Variants in ELL2 observed in about 807,000 individuals in gnomAD.
ELL2 encodes the protein RNA polymerase II elongation factor ELL2.
ELL2 carries 21 observed loss-of-function variants against 72.8 expected under a neutral mutation model. The ratio of observed to expected loss-of-function variants is 0.29; its 90% CI spans 0.20 to 0.42. The LOEUF is 0.42. ELL2 is among the 10% of genes least tolerant of loss of function. The pLI is 1.00. For missense variants in ELL2, 568 were observed against 772.8 expected, an observed-to-expected ratio of 0.73 and a Z score of 3.14; for synonymous variants, 266 against 283.2, an observed-to-expected ratio of 0.94 and a Z score of 0.61.
intron 9 of ELL2, among the ~76,000 whole-genome samples, chr5:95,894,221 CAA>C (rs975144977): frequency 7.2e-5 from 11 of 152,160 alleles, no homozygotes; most frequent in Non-Finnish European, 1.3e-4. Flanking sequence ...GCCTGGGCAA[CAA>C]GAGCGAAATT....
chr5:95,894,383 A>T (rs1460055100), intron 9 of ELL2, among the ~76,000 whole-genome samples: 1 of 152,280 alleles, frequency 6.6e-6, no homozygotes, highest in East Asian at 1.9e-4. Context: ...ATTATAAAAA[A>T]GAATTCAAAA....
intron 1 of ELL2, among the ~76,000 whole-genome samples, chr5:95,956,998 C>A (rs1751650339): frequency 6.6e-6 from 1 of 152,222 alleles, no homozygotes; most frequent in Non-Finnish European, 1.5e-5. Context: ...TTAAAGGCAT[C>A]TGCTTTCTGA....
intron 1 of ELL2, among the ~76,000 whole-genome samples, chr5:95,958,789 C>G (rs559475142): frequency 2.0e-5 from 3 of 152,138 alleles, no homozygotes; most frequent in Non-Finnish European, 4.4e-5. Context: ...CCCTTTGCTG[C>G]CTCTGTAGAG....
intron 2 of ELL2, among the ~76,000 whole-genome samples, chr5:95,940,341 A>C (rs1455832759): frequency 6.6e-6 from 1 of 152,234 alleles, no homozygotes; most frequent in Non-Finnish European, 1.5e-5. Flanking sequence ...TTTATTTAGA[A>C]GAAAACTTCA....
At chr5:95,906,890 T>C (rs998808196) in intron 4 of ELL2, 108 bp from the exon 5 acceptor site, 1 of 1,161,258 alleles carries the variant, frequency 8.6e-7, no homozygotes. Flanking sequence ...GAGGAAATAA[T>C]AATAAAGGCC....
intron 2 of ELL2, among the ~76,000 whole-genome samples, chr5:95,938,557 TACA>T (rs1294064614): frequency 1.3e-5 from 2 of 152,018 alleles, no homozygotes; most frequent in Non-Finnish European, 2.9e-5. Context: ...GACCCATCTC[TACA>T]ACAACAACAA....
chr5:95,937,434 A>C, intron 2 of ELL2, among the ~76,000 whole-genome samples: 1 of 151,910 alleles, frequency 6.6e-6, no homozygotes, highest in Non-Finnish European at 1.5e-5. Flanking sequence ...GGGGCAGCCC[A>C]TCTCCTGGGT....
At position 95,906,598 on chromosome 5, in the gene ELL2, C is replaced by T. The variant is rs759002436; in HGVS notation, c.666G>A (p.Pro222=). 25 of 1,614,018 alleles carry T rather than the reference C, an allele frequency of 1.5e-5. No individual in the cohort carries two copies. Among genetic ancestry groups the T allele is most frequent in the South Asian group, 1.3e-4 (12 of 91,080 alleles). Residue 222 remains proline (P), a synonymous_variant, in exon 5 of 12, where the codon CCG becomes CCA. Transcript: ENST00000237853. ...HLLALKAYKK[P]ELLARLQKDG... is the part of the protein sequence containing the mutation. ...CTTTCTGGAGTCTAGCAAGTAGCTC[C>T]GGTTTCTTGTAGGCCTTCAGGGCCA...
chr5:95,943,851 T>A (rs1430873173), intron 1 of ELL2, among the ~76,000 whole-genome samples: 1 of 152,240 alleles, frequency 6.6e-6, no homozygotes, highest in African/African-American at 2.4e-5. Context: ...GCTGTTATCA[T>A]AAATGTCAGC....
At chr5:95,904,903 G>A (rs573218200) in intron 5 of ELL2, among the ~76,000 whole-genome samples, 6 of 152,248 alleles carry the variant, frequency 3.9e-5, no homozygotes, top group African/African-American at 1.4e-4. Context: ...GATCGTGCAC[G>A]TGAAATGCCT....
intron 5 of ELL2, among the ~76,000 whole-genome samples, chr5:95,905,259 A>ACG (rs1749313401): frequency 1.3e-5 from 2 of 152,048 alleles, no homozygotes; most frequent in Admixed American, 6.6e-5. Flanking sequence ...ACACACGTAT[A>ACG]TATATATATA....
chr5:95,951,509 T>C (rs1351600714), intron 1 of ELL2, among the ~76,000 whole-genome samples: 1 of 152,164 alleles, frequency 6.6e-6, no homozygotes, highest in East Asian at 1.9e-4. Flanking sequence ...TGACTGTAAA[T>C]GCAAATAAAG....
intron 2 of ELL2, among the ~76,000 whole-genome samples, chr5:95,922,980 A>C (rs189430996): frequency 1.4e-4 from 22 of 152,354 alleles, no homozygotes; most frequent in African/African-American, 5.3e-4. Context: ...AGATACTGCC[A>C]AACACCCTAC....
chr5:95,919,281 T>C (rs1366314259), intron 3 of ELL2, 143 bp downstream of exon 3: 4 of 1,044,720 alleles, frequency 3.8e-6, no homozygotes, highest in Admixed American at 3.7e-5. Flanking sequence ...AGGTGCTTAA[T>C]ATTTTTCAGA....
chr5:95,955,189 C>A (rs189707852), intron 1 of ELL2, among the ~76,000 whole-genome samples: 1 of 152,036 alleles, frequency 6.6e-6, no homozygotes. Flanking sequence ...TCCTTTAAGA[C>A]CCAAGGATTT....
chr5:95,939,794 C>A (rs1469333889), intron 2 of ELL2, among the ~76,000 whole-genome samples: 2 of 152,170 alleles, frequency 1.3e-5, no homozygotes, highest in East Asian at 1.9e-4. Flanking sequence ...AAGCTTACTT[C>A]ACAATAAAAA....
At chr5:95,942,812 T>C in intron 2 of ELL2, 190 bp downstream of exon 2, 1 of 364,236 alleles carries the variant, frequency 2.7e-6, no homozygotes, top group South Asian at 6.4e-5. Flanking sequence ...CATATATGAA[T>C]TTTTTAAAAG....
intron 1 of ELL2, among the ~76,000 whole-genome samples, chr5:95,960,169 C>T (rs1042929674): frequency 2.0e-5 from 3 of 151,764 alleles, no homozygotes; most frequent in Admixed American, 2.0e-4. Flanking sequence ...TGTCCTTCTG[C>T]CCCTCTGTCT....
chr5:95,925,878 A>G (rs1190869999), intron 2 of ELL2, among the ~76,000 whole-genome samples: 1 of 152,218 alleles, frequency 6.6e-6, no homozygotes, highest in Non-Finnish European at 1.5e-5. Flanking sequence ...ATTTGACTAT[A>G]TATAGACTAT....
Sources: allele counts gnomAD v4.1 joint callset (sites outside exome capture counted in the v4.1 genomes callset), GRCh38; gene constraint gnomAD v4.1.1; transcripts MANE v1.5; gene names NCBI Gene and HGNC (gene_info 2026-07-23, HGNC 2026-07-21).